USP47: variants seen among roughly 807,000 people sequenced by gnomAD.
USP47 encodes ubiquitin specific peptidase 47.
Under a neutral mutation model 165.1 loss-of-function variants are expected in USP47, and 35 were observed. That is an observed-to-expected ratio of 0.21 (90% CI 0.16 to 0.28). The LOEUF is 0.28. USP47 is among the 10% of genes least tolerant of loss of function. USP47 has a pLI of 1.00. For synonymous variants in USP47, 531 were observed against 544.5 expected (o/e 0.98, Z 0.35); for missense variants, 1,277 against 1,607.4 (o/e 0.79, Z 3.52).
chr11:11,943,865 T>A (rs990960988), intron 20 of USP47: 9 of 152,112 alleles, frequency 5.9e-5, no homozygotes, highest in Non-Finnish European at 7.4e-5. Flanking sequence ...TACTTTGCAT[T>A]AGTTCTAGCA....
intron 2 of USP47, 47 bp from the exon 3 acceptor site, chr11:11,884,420 T>C (rs566505268): frequency 7.4e-7 from 1 of 1,342,480 alleles, no homozygotes; most frequent in African/African-American, 1.5e-5. Context: ...ACAGATTACT[T>C]ATTTTATGTT....
intron 5 of USP47, 82 bp from the exon 6 acceptor site, chr11:11,902,633 A>G: frequency 9.7e-7 from 1 of 1,033,680 alleles, no homozygotes; most frequent in Non-Finnish European, 1.3e-6. Context: ...AAAATCTTAC[A>G]TTATTATGAT....
intron 1 of USP47, among the ~76,000 whole-genome samples, chr11:11,862,222 A>G (rs966255548): frequency 2.6e-5 from 4 of 152,138 alleles, no homozygotes; most frequent in Non-Finnish European, 4.4e-5. Flanking sequence ...AGCACACTTT[A>G]TGCTTCCAAA....
rs1564891125 is a variant in USP47 at position 11,943,052 on chromosome 11, T to C, written c.3031T>C (p.Tyr1011His). The C allele has an allele frequency of 6.2e-7, 1 of 1,613,300 alleles. No individual in the cohort carries two copies. The highest frequency in any genetic ancestry group is 1.7e-5 in the Admixed American group (1 of 59,928). Residue 1011 changes from tyrosine (Y) to histidine (H), a missense_variant, in exon 20 of 28, where the codon TAC (tyrosine) becomes CAC (histidine). This residue lies in a region of USP47 where 909 missense variants were observed against 1,068.1 expected (regional missense o/e 0.85). Coordinates refer to ENST00000527733, the MANE Select transcript of USP47 (RefSeq NM_001282659.2). ...ESGKSRGEMQ[Y>H]MYFKAEPYAA... is the part of the protein sequence containing the mutation. ...TGGCAAGAGTAGGGGAGAAATGCAG[T>C]ACATGTATTTCAAAGCTGAACCTTA...
chr11:11,938,200 G>A (rs1855213421), intron 17 of USP47, 57 bp from the exon 18 acceptor site: 1 of 1,481,802 alleles, frequency 6.7e-7, no homozygotes, highest in Non-Finnish European at 9.4e-7. Context: ...CATTACTCAT[G>A]TGAAATACAT....
chr11:11,899,781 A>ATT (rs1852080185), intron 5 of USP47, among the ~76,000 whole-genome samples: 1 of 152,188 alleles, frequency 6.6e-6, no homozygotes, highest in Non-Finnish European at 1.5e-5. Flanking sequence ...GAGGTCAAAC[A>ATT]GAAAGGAAGG....
At chr11:11,851,377 T>A (rs1848717846) in intron 1 of USP47, among the ~76,000 whole-genome samples, 1 of 152,152 alleles carries the variant, frequency 6.6e-6, no homozygotes, top group Admixed American at 6.5e-5. Flanking sequence ...TTTCACTACT[T>A]CTTAGATTTT....
At position 11,936,552 on chromosome 11, in the gene USP47, A is replaced by G. The variant is rs375909647; in HGVS notation, c.2077+42A>G. Reference sequence around the variant, plus strand: ...TATTTTTAGTTGTTCTGTACTTAGAATTTTCATGAGAAAGTTTTTTTTTTT... The same window carrying G: ...TATTTTTAGTTGTTCTGTACTTAGAGTTTTCATGAGAAAGTTTTTTTTTTT... On this transcript the variant is annotated intron_variant, in intron 17 of 27. Transcript: ENST00000527733. 4.7e-4 allele frequency: 667 copies of G among 1,429,038 alleles called. 4 individuals are homozygous for G. The highest frequency in any genetic ancestry group is 3.7e-4 in the Middle Eastern group (2 of 5,338). The allele number at this position is 1,429,038 out of a possible 1,614,324, so 88.5% of individuals were successfully genotyped here. A position where few individuals can be genotyped will look rare whatever the true frequency, so the allele number is the denominator to read the frequency against.
intron 14 of USP47, among the ~76,000 whole-genome samples, 156 bp from the exon 15 acceptor site, chr11:11,932,848 G>A (rs1280921337): frequency 6.6e-6 from 1 of 152,110 alleles, no homozygotes; most frequent in African/African-American, 2.4e-5. Context: ...TTTTCTGGAC[G>A]AAGCTTGTAT....
chr11:11,947,029 C>T (rs1038211772), intron 20 of USP47, among the ~76,000 whole-genome samples: 3 of 152,066 alleles, frequency 2.0e-5, no homozygotes, highest in African/African-American at 7.2e-5. Context: ...AAAACCAGAC[C>T]TAACATGGAG....
rs1368692760 is a variant in USP47 at position 11,938,270 on chromosome 11, A to G, written c.2091A>G (p.Lys697=). 6.2e-7 allele frequency: 1 copy of G among 1,611,968 alleles called. No homozygotes were observed. ...QSYKPGEVMV[K]VHVVDLKAES... ...CAAATGTGACAGAAGTGATGGTGAA[A>G]GTTCATGTTGTTGATCTAAAGGCAG... The change falls in exon 18 of 28, where the codon AAA becomes AAG. Residue 697 remains lysine, a synonymous_variant. Transcript: ENST00000527733.
chr11:11,892,380 C>CTTTTTTTTTTTTTTTTTTTT lies in USP47; in HGVS notation c.496+293_496+294insTTTTTTTTTTTTTTTTTTTT, dbSNP rs1300802562. On this transcript the variant is annotated intron_variant, in intron 4 of 27. Coordinates refer to ENST00000527733, the MANE Select transcript of USP47 (RefSeq NM_001282659.2). ...AGACTTTTCTTTTCTTTTTAATTTT[C>CTTTTTTTTTTTTTTTTTTTT]TTTTTTTTTTTTTTTTTTTGAGACA... 2.5e-5 allele frequency among the ~76,000 whole-genome samples: 3 copies of CTTTTTTTTTTTTTTTTTTTT among 121,148 alleles called. 1 individual carries two copies. Among genetic ancestry groups the CTTTTTTTTTTTTTTTTTTTT allele is most frequent in the African/African-American group, 6.3e-5 (2 of 31,524 alleles). 79.5% of individuals were successfully genotyped at this position (121,148 alleles called of 152,430 possible).
intron 1 of USP47, among the ~76,000 whole-genome samples, chr11:11,870,590 C>G (rs1398286513): frequency 6.6e-6 from 1 of 152,096 alleles, no homozygotes; most frequent in African/African-American, 2.4e-5. Context: ...TTGAATTCCA[C>G]TTGATTATTA....
chr11:11,876,605 G>A (rs1349149714), intron 1 of USP47, among the ~76,000 whole-genome samples: 1 of 152,172 alleles, frequency 6.6e-6, no homozygotes, highest in East Asian at 1.9e-4. Flanking sequence ...GCTCCATTAA[G>A]TTGGTGGCAG....
intron 1 of USP47, among the ~76,000 whole-genome samples, chr11:11,862,513 T>G (rs184007560): frequency 6.6e-6 from 1 of 152,204 alleles, no homozygotes; most frequent in East Asian, 1.9e-4. Context: ...TTGACATGTT[T>G]GTTTTCCTTG....
chr11:11,934,089 C>T (rs1854880703), intron 16 of USP47, among the ~76,000 whole-genome samples, 154 bp downstream of exon 16: 1 of 152,058 alleles, frequency 6.6e-6, no homozygotes, highest in African/African-American at 2.4e-5. Context: ...TATACCTCTC[C>T]TTTGGAGCAT....
At chr11:11,855,425 A>G (rs1455219457) in intron 1 of USP47, among the ~76,000 whole-genome samples, 1 of 152,194 alleles carries the variant, frequency 6.6e-6, no homozygotes, top group Non-Finnish European at 1.5e-5. Flanking sequence ...TTTAAATTTG[A>G]TGCTGTGTAG....
At chr11:11,918,690 T>C (rs1360630149) in intron 8 of USP47, among the ~76,000 whole-genome samples, 1 of 151,972 alleles carries the variant, frequency 6.6e-6, no homozygotes, top group Non-Finnish European at 1.5e-5. Context: ...TTCTCCAAGT[T>C]TTAATTTTTT....
chr11:11,844,566 T>TC (rs1291285319), intron 1 of USP47, among the ~76,000 whole-genome samples: 4 of 152,178 alleles, frequency 2.6e-5, no homozygotes, highest in Non-Finnish European at 5.9e-5. Flanking sequence ...TTGCTACTAT[T>TC]CCCTTGATTA....
Sources: gnomAD v4.1 joint callset for allele counts (sites outside exome capture counted in the v4.1 genomes callset) on GRCh38, gnomAD v4.1.1 for gene constraint, gnomAD v4.1.1 regional missense constraint, MANE v1.5 for transcripts, NCBI Gene and HGNC (gene_info 2026-07-23, HGNC 2026-07-21) for gene names.